Variants in MEGF11 observed in about 807,000 individuals in gnomAD.
MEGF11 encodes multiple epidermal growth factor-like domains protein 11.
In MEGF11, 126 loss-of-function variants were observed where a neutral mutation model predicts 146.6. That is an observed-to-expected ratio of 0.86 (90% CI 0.74 to 1.00). The LOEUF (loss-of-function observed/expected upper bound fraction) is 1.00, where lower values mean the gene tolerates loss of function less well. Among genes scored for constraint, MEGF11 ranks in the 50% least tolerant of loss-of-function variants. The pLI is 0.00. For missense variants in MEGF11, 1,509 were observed against 1,521.2 expected, an observed-to-expected ratio of 0.99 and a Z score of 0.13; for synonymous variants, 532 against 583.4, an observed-to-expected ratio of 0.91 and a Z score of 1.27.
chr15:66,011,318 G>C (rs1172851979), intron 5 of MEGF11, among the ~76,000 whole-genome samples: 1 of 152,164 alleles, frequency 6.6e-6, no homozygotes, highest in East Asian at 1.9e-4. Context: ...AGGAGGCCTG[G>C]CTCCCTTCCT....
chr15:66,088,998 A>T (rs1370882115), intron 5 of MEGF11, among the ~76,000 whole-genome samples: 1 of 152,272 alleles, frequency 6.6e-6, no homozygotes, highest in Non-Finnish European at 1.5e-5. Context: ...ATTTTATGTT[A>T]TGTATCTTTT....
At chr15:66,187,606 G>A (rs75263156) in intron 1 of MEGF11, among the ~76,000 whole-genome samples, 3,881 of 152,290 alleles carry the variant, frequency 0.025, 153 homozygotes, top group African/African-American at 0.087. Flanking sequence ...GTACTCACAC[G>A]CAAAGCACGG....
At chr15:66,183,797 C>G (rs933993225) in intron 1 of MEGF11, among the ~76,000 whole-genome samples, 1 of 152,094 alleles carries the variant, frequency 6.6e-6, no homozygotes, top group Non-Finnish European at 1.5e-5. Flanking sequence ...GTGTGCCCTT[C>G]CAACAAGCTC....
intron 7 of MEGF11, among the ~76,000 whole-genome samples, chr15:65,972,134 T>C (rs530848669): frequency 1.8e-4 from 28 of 151,798 alleles, no homozygotes; most frequent in African/African-American, 6.0e-4. Flanking sequence ...GATAGAGAGA[T>C]GAGATTAAAA....
At chr15:66,024,805 G>T (rs1336252280) in intron 5 of MEGF11, among the ~76,000 whole-genome samples, 1 of 152,176 alleles carries the variant, frequency 6.6e-6, no homozygotes, top group Non-Finnish European at 1.5e-5. Flanking sequence ...CCGGGACGGG[G>T]GCACTGTAGG....
At chr15:66,028,131 C>A (rs2083399403) in intron 5 of MEGF11, among the ~76,000 whole-genome samples, 1 of 152,148 alleles carries the variant, frequency 6.6e-6, no homozygotes, top group African/African-American at 2.4e-5. Context: ...TCTTACTGTA[C>A]CCAGTCTCCT....
At chr15:66,160,050 A>C (rs1052874803) in intron 1 of MEGF11, among the ~76,000 whole-genome samples, 2 of 152,134 alleles carry the variant, frequency 1.3e-5, no homozygotes, top group African/African-American at 2.4e-5. Context: ...CAATTTGTCC[A>C]TGTGATAGAT....
intron 5 of MEGF11, among the ~76,000 whole-genome samples, chr15:66,051,233 G>A (rs2084433632): frequency 1.3e-5 from 2 of 152,148 alleles, no homozygotes; most frequent in Non-Finnish European, 2.9e-5. Flanking sequence ...AGCTGGGGGA[G>A]CAGAGAGGAA....
chr15:66,153,778 T>G (rs2089652186), intron 1 of MEGF11, among the ~76,000 whole-genome samples: 1 of 152,084 alleles, frequency 6.6e-6, no homozygotes, highest in African/African-American at 2.4e-5. Flanking sequence ...TGGGTCCAGC[T>G]TTGGGTCTGT....
intron 8 of MEGF11, among the ~76,000 whole-genome samples, chr15:65,969,851 T>C (rs1036331770): frequency 2.0e-5 from 3 of 151,460 alleles, no homozygotes; most frequent in African/African-American, 7.3e-5. Context: ...TGGTCAAGAG[T>C]GAGAGGGAGG....
chr15:66,140,758 G>A (rs2089107704), intron 1 of MEGF11, among the ~76,000 whole-genome samples: 1 of 152,216 alleles, frequency 6.6e-6, no homozygotes, highest in Admixed American at 6.5e-5. Context: ...TGAGGCCGGT[G>A]GGAGGCCAGC....
intron 5 of MEGF11, among the ~76,000 whole-genome samples, chr15:66,088,901 C>T (rs777717602): frequency 1.3e-5 from 2 of 152,124 alleles, no homozygotes; most frequent in Non-Finnish European, 2.9e-5. Flanking sequence ...TGAAAAAGTT[C>T]TGAAGATGGA....
At chr15:65,973,094 G>A (rs2081345170) in intron 7 of MEGF11, among the ~76,000 whole-genome samples, 2 of 149,360 alleles carry the variant, frequency 1.3e-5, no homozygotes, top group Admixed American at 1.3e-4. Flanking sequence ...TCCAGCCTGG[G>A]CAACAAGAGC....
Position 66,026,678 on chromosome 15 carries a change from C to T in MEGF11, c.395-44190G>A, listed in dbSNP as rs1015640041. On this transcript the variant is annotated intron_variant, in intron 5 of 25. Transcript: ENST00000395614. ...TTTTTTTTTGTATTTTTAGTAGAGA[C>T]GGGGTTTCACCATGTTGGCCAGGAT... Among the ~76,000 whole-genome samples, 39 of 151,404 alleles carry T rather than the reference C, an allele frequency of 2.6e-4. 1 individual carries two copies. The highest frequency in any genetic ancestry group is 2.1e-3 in the Admixed American group (32 of 15,230).
chr15:66,087,039 A>G (rs1313449519), intron 5 of MEGF11, among the ~76,000 whole-genome samples: 1 of 152,234 alleles, frequency 6.6e-6, no homozygotes, highest in African/African-American at 2.4e-5. Flanking sequence ...TATTACACAA[A>G]ACAAACTTTA....
intron 1 of MEGF11, among the ~76,000 whole-genome samples, chr15:66,191,050 TC>T (rs1277962011): frequency 2.0e-5 from 3 of 152,024 alleles, no homozygotes; most frequent in Non-Finnish European, 2.9e-5. Flanking sequence ...CGGCTGGACT[TC>T]CAGGGATGGA....
chr15:66,095,240 A>C (rs1189802092), intron 4 of MEGF11, among the ~76,000 whole-genome samples: 1 of 152,114 alleles, frequency 6.6e-6, no homozygotes, highest in Non-Finnish European at 1.5e-5. Flanking sequence ...GAGGAAGGGA[A>C]ATTATTTTTC....
intron 5 of MEGF11, among the ~76,000 whole-genome samples, chr15:66,006,706 C>T (rs754330022): frequency 2.0e-5 from 3 of 152,306 alleles, no homozygotes; most frequent in East Asian, 1.9e-4. Flanking sequence ...ATAAGAGATC[C>T]GAATGACATT....
intron 1 of MEGF11, among the ~76,000 whole-genome samples, chr15:66,137,909 A>G (rs1162273208): frequency 6.6e-6 from 1 of 151,862 alleles, no homozygotes; most frequent in Non-Finnish European, 1.5e-5. Context: ...GATTTCAAAA[A>G]CCAGCCAGGC....
Sources: gnomAD v4.1 joint callset for allele counts (sites outside exome capture counted in the v4.1 genomes callset) on GRCh38, gnomAD v4.1.1 for gene constraint, MANE v1.5 for transcripts, NCBI Gene and HGNC (gene_info 2026-07-23, HGNC 2026-07-21) for gene names.